Variants in FGD4 observed in about 807,000 individuals in gnomAD.
The protein encoded by FGD4 is FYVE, RhoGEF and PH domain-containing protein 4.
A neutral mutation model predicts 102.0 loss-of-function variants in FGD4; 42 were observed. That is an observed-to-expected ratio of 0.41 (90% confidence interval 0.32 to 0.53). The LOEUF is 0.53. Ranked by LOEUF, FGD4 falls within the 20% of genes least tolerant of loss-of-function variation. FGD4 has a pLI of 0.21. For missense variants in FGD4, 902 were observed against 1,078.2 expected, an observed-to-expected ratio of 0.84 and a Z score of 2.29; for synonymous variants, 380 against 375.7, an observed-to-expected ratio of 1.01 and a Z score of -0.13.
At chr12:32,408,177 T>C (rs2047144329) in intron 1 of FGD4, among the ~76,000 whole-genome samples, 1 of 149,616 alleles carries the variant, frequency 6.7e-6, no homozygotes, top group African/African-American at 2.5e-5. Context: ...TTTTTTTTTT[T>C]TTTTTTTTGA....
chr12:32,602,648 G>T (rs1948497346), intron 7 of FGD4, among the ~76,000 whole-genome samples: 1 of 152,208 alleles, frequency 6.6e-6, no homozygotes, highest in Admixed American at 6.5e-5. Context: ...TATAAAGAAT[G>T]ATTGCTGTAA....
chr12:32,571,850 G>A (rs73100149), intron 2 of FGD4, among the ~76,000 whole-genome samples: 3 of 151,986 alleles, frequency 2.0e-5, no homozygotes, highest in Admixed American at 2.0e-4. Flanking sequence ...GGCTGCATAG[G>A]GGGTGGGAGA....
intron 8 of FGD4, 45 bp downstream of exon 8, chr12:32,608,140 G>A (rs769827456): frequency 2.5e-6 from 4 of 1,611,814 alleles, no homozygotes; most frequent in Non-Finnish European, 2.5e-6. Flanking sequence ...GAATAATCAA[G>A]TGGCCAAGCA....
chr12:32,557,748 A>G (rs958688585), intron 1 of FGD4, among the ~76,000 whole-genome samples: 1 of 152,000 alleles, frequency 6.6e-6, no homozygotes, highest in Non-Finnish European at 1.5e-5. Context: ...TTTGTTCCCC[A>G]TAGCAAGAGA....
chr12:32,409,294 T>C (rs1308618106), intron 1 of FGD4, among the ~76,000 whole-genome samples: 4 of 45,258 alleles, frequency 8.8e-5, no homozygotes, highest in Middle Eastern at 0.014. Context: ...TTTTTTTCTT[T>C]TTTTTTTTTT....
intron 4 of FGD4, among the ~76,000 whole-genome samples, chr12:32,592,517 C>T (rs1457370643): frequency 1.3e-5 from 2 of 151,890 alleles, no homozygotes; most frequent in Admixed American, 6.6e-5. Flanking sequence ...CATGGTAAAG[C>T]GCTAAGCACA....
chr12:32,455,380 A>T (rs1169217382), intron 1 of FGD4, among the ~76,000 whole-genome samples: 1 of 152,144 alleles, frequency 6.6e-6, no homozygotes, highest in Non-Finnish European at 1.5e-5. Flanking sequence ...TTCCTTTTAG[A>T]TAGTTTATTT....
chr12:32,409,546 C>T (rs917508197), intron 1 of FGD4, among the ~76,000 whole-genome samples: 1 of 152,046 alleles, frequency 6.6e-6, no homozygotes. Context: ...CTCGGCTTTC[C>T]AAAGTGCTGG....
intron 1 of FGD4, among the ~76,000 whole-genome samples, chr12:32,515,400 C>T (rs575261937): frequency 2.0e-5 from 3 of 152,258 alleles, no homozygotes; most frequent in Admixed American, 6.5e-5. Context: ...TTGCACAAAG[C>T]CCAGCAGATA....
chr12:32,478,072 A>G (rs548422496), intron 1 of FGD4, among the ~76,000 whole-genome samples: 2 of 152,354 alleles, frequency 1.3e-5, no homozygotes, highest in South Asian at 4.1e-4. Context: ...CCCTGTGACA[A>G]CAGTGATTCA....
chr12:32,463,307 C>A (rs1388544521), intron 1 of FGD4, among the ~76,000 whole-genome samples: 1 of 152,192 alleles, frequency 6.6e-6, no homozygotes, highest in East Asian at 1.9e-4. Flanking sequence ...AAAACTTCAA[C>A]CCAGATGTGG....
intron 1 of FGD4, among the ~76,000 whole-genome samples, chr12:32,410,007 A>T (rs1274933481): frequency 0.038 from 1,265 of 33,594 alleles, 21 homozygotes; most frequent in African/African-American, 0.21. Flanking sequence ...CTTGTCTCTC[A>T]AAAAAAAAAA....
intron 2 of FGD4, among the ~76,000 whole-genome samples, chr12:32,572,615 C>G (rs1247574890): frequency 6.6e-6 from 1 of 152,192 alleles, no homozygotes; most frequent in Non-Finnish European, 1.5e-5. Context: ...AGAATATTGC[C>G]TACAATTTAT....
chr12:32,578,379 A>G (rs1184423276), intron 3 of FGD4, among the ~76,000 whole-genome samples: 2 of 152,186 alleles, frequency 1.3e-5, no homozygotes, highest in Non-Finnish European at 1.5e-5. Flanking sequence ...TATCCTTGCC[A>G]TTGCAAGGGT....
chr12:32,625,896 G>T lies in FGD4; in HGVS notation c.2172+117G>T, dbSNP rs79100182. On this transcript the variant is annotated intron_variant, in intron 14 of 16. Transcript: ENST00000534526. Reference sequence around the variant, plus strand: ...ACAAATCACTTAATAAATTTATTTTGGTGCCAATTACGTGCAGAGGACTGT... The same window carrying T: ...ACAAATCACTTAATAAATTTATTTTTGTGCCAATTACGTGCAGAGGACTGT... 0.03 allele frequency: 42,761 copies of T among 1,428,718 alleles called. 811 individuals carry two copies. Among genetic ancestry groups the T allele is most frequent in the Non-Finnish European group, 0.035 (35,786 of 1,019,752 alleles). The allele number at this position is 1,428,718 out of a possible 1,614,324, so 88.5% of individuals were successfully genotyped here. A position where few individuals can be genotyped will look rare whatever the true frequency, so the allele number is the denominator to read the frequency against.
chr12:32,627,415 A>G (rs1950250084), intron 14 of FGD4, among the ~76,000 whole-genome samples: 2 of 152,122 alleles, frequency 1.3e-5, no homozygotes, highest in African/African-American at 2.4e-5. Flanking sequence ...CGGCCTCCCA[A>G]AGTGCTGGGA....
At chr12:32,594,093 A>G (rs1157259788) in intron 4 of FGD4, among the ~76,000 whole-genome samples, 5 of 152,298 alleles carry the variant, frequency 3.3e-5, no homozygotes, top group Non-Finnish European at 1.5e-5. Context: ...TAGTGGTTAT[A>G]TCAGAGGTCC....
At chr12:32,572,605 A>G (rs1213090995) in intron 2 of FGD4, among the ~76,000 whole-genome samples, 4 of 152,254 alleles carry the variant, frequency 2.6e-5, no homozygotes, top group African/African-American at 7.2e-5. Flanking sequence ...CTGCATCCTT[A>G]GAATATTGCC....
intron 1 of FGD4, among the ~76,000 whole-genome samples, chr12:32,450,166 C>T (rs527589664): frequency 1.5e-4 from 23 of 152,120 alleles, no homozygotes; most frequent in South Asian, 1.2e-3. Context: ...CTCCTGACCT[C>T]GTGATCTGCC....
Sources: gnomAD v4.1 joint callset for allele counts (sites outside exome capture counted in the v4.1 genomes callset) on GRCh38, gnomAD v4.1.1 for gene constraint, MANE v1.5 for transcripts, NCBI Gene and HGNC (gene_info 2026-07-23, HGNC 2026-07-21) for gene names.